Variants in CCSER1 observed in about 807,000 individuals in gnomAD.
CCSER1 encodes the protein serine-rich coiled-coil domain-containing protein 1.
Under a neutral mutation model 82.0 loss-of-function variants are expected in CCSER1, and 41 were observed. The ratio of observed to expected loss-of-function variants is 0.50; its 90% CI spans 0.39 to 0.65. The LOEUF (loss-of-function observed/expected upper bound fraction) is 0.65, where lower values mean the gene tolerates loss of function less well. CCSER1 is among the 30% of genes least tolerant of loss of function. CCSER1 has a pLI of 0.00. For missense variants in CCSER1, 1,119 were observed against 1,064.2 expected (o/e 1.05, Z -0.72); for synonymous variants, 414 against 383.9 (o/e 1.08, Z -0.92).
At chr4:91,588,334 G>T (rs1376611874) in intron 10 of CCSER1, among the ~76,000 whole-genome samples, 1 of 151,512 alleles carries the variant, frequency 6.6e-6, no homozygotes, top group African/African-American at 2.4e-5. Context: ...TAGGAAAAAA[G>T]TGGTTGGCTA....
At chr4:91,551,209 C>A (rs536233523) in intron 10 of CCSER1, among the ~76,000 whole-genome samples, 1 of 151,902 alleles carries the variant, frequency 6.6e-6, no homozygotes, top group Non-Finnish European at 1.5e-5. Context: ...TTTATATATG[C>A]AGATTTTTGA....
chr4:90,416,394 G>A (rs558283711), intron 4 of CCSER1, among the ~76,000 whole-genome samples: 30 of 152,208 alleles, frequency 2.0e-4, no homozygotes, highest in Middle Eastern at 3.4e-3. Flanking sequence ...AAGAGAGCAG[G>A]CATTTTAAAG....
intron 5 of CCSER1, among the ~76,000 whole-genome samples, chr4:90,614,384 G>T (rs920130991): frequency 3.3e-5 from 5 of 152,104 alleles, no homozygotes; most frequent in Non-Finnish European, 7.4e-5. Context: ...CTAAATTTAC[G>T]TGAAAAGCTG....
At chr4:91,169,980 G>A (rs1732582776) in intron 10 of CCSER1, among the ~76,000 whole-genome samples, 1 of 152,158 alleles carries the variant, frequency 6.6e-6, no homozygotes, top group African/African-American at 2.4e-5. Context: ...TCAAATACAA[G>A]TTGAAACCTC....
intron 5 of CCSER1, among the ~76,000 whole-genome samples, chr4:90,534,160 C>A (rs148757763): frequency 6.6e-6 from 1 of 152,190 alleles, no homozygotes; most frequent in African/African-American, 2.4e-5. Flanking sequence ...GACACAGTCT[C>A]GCTCTGTTGC....
chr4:91,108,171 A>G (rs1046583191), intron 10 of CCSER1: 4 of 152,352 alleles, frequency 2.6e-5, no homozygotes, highest in African/African-American at 4.8e-5. Context: ...GATCCAATGT[A>G]TATCTAATCC....
chr4:91,271,079 A>G (rs10014574), intron 10 of CCSER1, among the ~76,000 whole-genome samples: 20,063 of 152,046 alleles, frequency 0.13, 1,563 homozygotes, highest in South Asian at 0.25. Flanking sequence ...TATATTAAAT[A>G]TTGTTGTTTT....
At chr4:91,136,922 A>G (rs1024637682) in intron 10 of CCSER1, among the ~76,000 whole-genome samples, 39 of 152,266 alleles carry the variant, frequency 2.6e-4, no homozygotes, top group African/African-American at 9.1e-4. Flanking sequence ...AAAAATTTAA[A>G]CTTGGTAGCT....
rs565657545 is a variant in CCSER1 at position 91,289,029 on chromosome 4, AAC to A, written c.2217+203039_2217+203040del. On this transcript the variant is annotated intron_variant, in intron 10 of 10. Transcript: ENST00000509176. ...GAGTGTGGAAAGAGATTTTCTCTGA[AAC>A]ACAGTGCAAAGGAGAGACCTAAAGC... Among the ~76,000 whole-genome samples, 28 of 152,152 alleles carry A rather than the reference AAC, an allele frequency of 1.8e-4. 1 individual carries two copies. In the East Asian group the frequency reaches 4.6e-3, roughly 25 times the overall value.
chr4:90,282,324 A>G (rs941375833), intron 1 of CCSER1, among the ~76,000 whole-genome samples: 6 of 151,836 alleles, frequency 4.0e-5, no homozygotes, highest in Non-Finnish European at 7.4e-5. Flanking sequence ...ATTTCTTTTT[A>G]TGATAAAAGC....
At chr4:90,948,453 T>C (rs2150347855) in intron 9 of CCSER1, among the ~76,000 whole-genome samples, 1 of 151,954 alleles carries the variant, frequency 6.6e-6, no homozygotes, top group South Asian at 2.1e-4. Flanking sequence ...ATTTTTTTCG[T>C]TTATTCTTTT....
At position 91,180,306 on chromosome 4, in the gene CCSER1, G is replaced by A. The variant is rs1435863263; in HGVS notation, c.2217+94312G>A. On this transcript the variant is annotated intron_variant, in intron 10 of 10. Transcript: ENST00000509176. ...TGTCCATTCTCAGATTTCAGACTCT[G>A]TGCTAGGAGAACCACTACTCTCTTC... Among the ~76,000 whole-genome samples, 3 of 152,324 alleles carry A rather than the reference G, an allele frequency of 2.0e-5. No homozygotes were observed. The East Asian group carries it at 5.8e-4, about 29-fold the overall frequency.
At chr4:90,299,649 C>G (rs1732711624) in intron 1 of CCSER1, among the ~76,000 whole-genome samples, 1 of 151,948 alleles carries the variant, frequency 6.6e-6, no homozygotes, top group South Asian at 2.1e-4. Flanking sequence ...GTTAAAAGTG[C>G]CTCCATTATT....
intron 1 of CCSER1, among the ~76,000 whole-genome samples, chr4:90,177,537 GT>G (rs1289213716): frequency 6.6e-6 from 1 of 151,920 alleles, no homozygotes; most frequent in Non-Finnish European, 1.5e-5. Flanking sequence ...TACCTTGTAG[GT>G]CTTATCAAAG....
chr4:90,654,735 A>C (rs1346123369), intron 6 of CCSER1, among the ~76,000 whole-genome samples: 1 of 152,144 alleles, frequency 6.6e-6, no homozygotes, highest in African/African-American at 2.4e-5. Context: ...AAGTGAAAGA[A>C]TAACACACAA....
chr4:90,328,727 T>C (rs17227818), intron 3 of CCSER1, among the ~76,000 whole-genome samples: 95,612 of 151,952 alleles, frequency 0.63, 31,602 homozygotes, highest in African/African-American at 0.83. Context: ...TCTGCTACTG[T>C]TGTCTCTGCT....
rs546256483 is a variant in CCSER1, at chr4:90,545,831, A to C, written c.1724+77477A>C. On this transcript the variant is annotated intron_variant, in intron 5 of 10. Transcript: ENST00000509176. ...CCTAAAACATAGTTTCCTTTAAAAC[A>C]AGAATTTCACTGTCAAATACATTTG... is the stretch of plus-strand genomic sequence containing the variant. Among the ~76,000 whole-genome samples, 6 of 152,308 alleles carry C rather than the reference A, an allele frequency of 3.9e-5. No homozygotes were observed. In the East Asian group the frequency reaches 1.2e-3, roughly 29 times the overall value.
At chr4:91,574,572 A>C (rs1264025475) in intron 10 of CCSER1, among the ~76,000 whole-genome samples, 2 of 152,188 alleles carry the variant, frequency 1.3e-5, no homozygotes, top group Non-Finnish European at 2.9e-5. Flanking sequence ...GTAAAAAAGA[A>C]TGAGATTATG....
intron 7 of CCSER1, among the ~76,000 whole-genome samples, chr4:90,800,719 A>G (rs1756691139): frequency 6.9e-6 from 1 of 145,158 alleles, no homozygotes; most frequent in African/African-American, 2.6e-5. Flanking sequence ...TCGATTTTTA[A>G]TGAAACCCAT....
Sources: gnomAD v4.1 joint callset for allele counts (sites outside exome capture counted in the v4.1 genomes callset) on GRCh38, gnomAD v4.1.1 for gene constraint, MANE v1.5 for transcripts, NCBI Gene and HGNC (gene_info 2026-07-23, HGNC 2026-07-21) for gene names.